THSD7B: variants seen among roughly 807,000 people sequenced by gnomAD.
THSD7B encodes thrombospondin type-1 domain-containing protein 7B.
In THSD7B, 138 loss-of-function variants were observed where a neutral mutation model predicts 213.6. The ratio of observed to expected loss-of-function variants is 0.65; its 90% CI spans 0.56 to 0.74. THSD7B has a LOEUF of 0.74. THSD7B is among the 30% of genes least tolerant of loss of function. The pLI is 0.00. For synonymous variants in THSD7B, 742 were observed against 687.0 expected (o/e 1.08, Z -1.25); for missense variants, 1,931 against 1,991.5 (o/e 0.97, Z 0.58).
intron 1 of THSD7B, among the ~76,000 whole-genome samples, chr2:136,816,080 T>C (rs1558814298): frequency 1.3e-5 from 2 of 152,156 alleles, no homozygotes; most frequent in South Asian, 4.1e-4. Flanking sequence ...AGATGAGGTT[T>C]CACCATGTTG....
intron 2 of THSD7B, among the ~76,000 whole-genome samples, chr2:136,988,767 AGTCTGTCATTTAAAAT>A (rs2104813591): frequency 6.6e-6 from 1 of 152,346 alleles, no homozygotes; most frequent in African/African-American, 2.4e-5. Context: ...CAAAAAATCA[AGTCTGTCATTTAAAAT>A]GTCCAAGAAG....
intron 1 of THSD7B, among the ~76,000 whole-genome samples, chr2:136,794,964 A>C (rs1202637041): frequency 6.6e-6 from 1 of 151,952 alleles, no homozygotes; most frequent in Non-Finnish European, 1.5e-5. Flanking sequence ...GTCTAGCATT[A>C]CTATAGCCAT....
chr2:137,078,062 G>A (rs1687667854), intron 3 of THSD7B, among the ~76,000 whole-genome samples: 1 of 152,124 alleles, frequency 6.6e-6, no homozygotes, highest in African/African-American at 2.4e-5. Flanking sequence ...AGTTTTCCCA[G>A]CACCATTTAT....
At chr2:137,385,961 G>C (rs78128788) in intron 12 of THSD7B, among the ~76,000 whole-genome samples, 4,805 of 152,310 alleles carry the variant, frequency 0.032, 279 homozygotes, top group African/African-American at 0.11. Context: ...GATTTCCACA[G>C]ATGTGGGCAG....
chr2:137,423,861 C>T (rs1686981741), intron 14 of THSD7B, among the ~76,000 whole-genome samples: 1 of 152,136 alleles, frequency 6.6e-6, no homozygotes, highest in South Asian at 2.1e-4. Context: ...GTCAAACAGT[C>T]TTGAAAAGGT....
chr2:137,646,832 T>G (rs1683042505), intron 21 of THSD7B, among the ~76,000 whole-genome samples: 1 of 152,062 alleles, frequency 6.6e-6, no homozygotes, highest in Non-Finnish European at 1.5e-5. Flanking sequence ...TAAATCATAA[T>G]TCCTCTGAAC....
At chr2:137,566,956 G>A (rs1468021795) in intron 16 of THSD7B, among the ~76,000 whole-genome samples, 2 of 152,050 alleles carry the variant, frequency 1.3e-5, no homozygotes. Flanking sequence ...ATGAAGATCT[G>A]TAGAAAGAGG....
At chr2:137,154,462 C>A (rs1467444266) in intron 5 of THSD7B, among the ~76,000 whole-genome samples, 1 of 152,078 alleles carries the variant, frequency 6.6e-6, no homozygotes, top group East Asian at 1.9e-4. Context: ...GCAAATATAA[C>A]TTCCTGTATT....
chr2:137,607,926 A>C (rs1682214459), intron 17 of THSD7B, among the ~76,000 whole-genome samples: 1 of 152,164 alleles, frequency 6.6e-6, no homozygotes, highest in Admixed American at 6.5e-5. Context: ...TTAGCTAAGC[A>C]AAAAATCTAC....
chr2:137,273,069 CAG>C (rs1437284546), intron 11 of THSD7B, among the ~76,000 whole-genome samples: 1 of 137,436 alleles, frequency 7.3e-6, no homozygotes, highest in Non-Finnish European at 1.6e-5. Context: ...CACACACACA[CAG>C]GTGGTAACTT....
intron 20 of THSD7B, among the ~76,000 whole-genome samples, chr2:137,632,135 C>A (rs1558866009): frequency 6.6e-6 from 1 of 152,102 alleles, no homozygotes; most frequent in Non-Finnish European, 1.5e-5. Flanking sequence ...TGATCGTGTA[C>A]ATCTGACACT....
intron 5 of THSD7B, among the ~76,000 whole-genome samples, chr2:137,158,282 CTG>C (rs1319392946): frequency 6.6e-6 from 1 of 152,222 alleles, no homozygotes; most frequent in Non-Finnish European, 1.5e-5. Flanking sequence ...TCAGTCTCAT[CTG>C]TGCATCCCCA....
chr2:137,616,648 GT>G (rs1682393129), intron 18 of THSD7B, among the ~76,000 whole-genome samples: 1 of 152,166 alleles, frequency 6.6e-6, no homozygotes, highest in African/African-American at 2.4e-5. Context: ...AGAGAAGAAT[GT>G]AATCATACTG....
chr2:137,125,874 C>T (rs1178080448), intron 5 of THSD7B, among the ~76,000 whole-genome samples: 2 of 152,084 alleles, frequency 1.3e-5, no homozygotes, highest in Non-Finnish European at 2.9e-5. Flanking sequence ...GTCATGAAAA[C>T]ATTAATCTCC....
intron 1 of THSD7B, among the ~76,000 whole-genome samples, chr2:136,837,831 C>CAATT (rs1295729109): frequency 1.3e-5 from 2 of 152,118 alleles, no homozygotes; most frequent in Non-Finnish European, 2.9e-5. Context: ...TCCTACCTTG[C>CAATT]AATTAATATT....
intron 9 of THSD7B, among the ~76,000 whole-genome samples, chr2:137,239,499 A>G (rs1681852547): frequency 6.6e-6 from 1 of 152,218 alleles, no homozygotes; most frequent in South Asian, 2.1e-4. Flanking sequence ...ATGTGGATAC[A>G]AGCAAATTCA....
At chr2:137,604,851 G>A (rs1682142321) in intron 17 of THSD7B, among the ~76,000 whole-genome samples, 1 of 152,138 alleles carries the variant, frequency 6.6e-6, no homozygotes, top group African/African-American at 2.4e-5. Context: ...AAAGAAGTAT[G>A]TGGTATATTT....
At chr2:137,515,922 A>T (rs1680059265) in intron 15 of THSD7B, among the ~76,000 whole-genome samples, 1 of 152,208 alleles carries the variant, frequency 6.6e-6, no homozygotes, top group Non-Finnish European at 1.5e-5. Context: ...AATACTTATG[A>T]AATAGATTTG....
intron 15 of THSD7B, among the ~76,000 whole-genome samples, chr2:137,505,287 G>C (rs575513389): frequency 1.1e-4 from 17 of 152,318 alleles, no homozygotes; most frequent in African/African-American, 3.8e-4. Context: ...AAATCACTCA[G>C]GGTTTTTGTT....
Sources: gnomAD v4.1 joint callset for allele counts (sites outside exome capture counted in the v4.1 genomes callset) on GRCh38, gnomAD v4.1.1 for gene constraint, MANE v1.5 for transcripts, NCBI Gene and HGNC (gene_info 2026-07-23, HGNC 2026-07-21) for gene names.